Variants in AK5 observed in about 807,000 individuals in gnomAD.
AK5 encodes adenylate kinase 5, also known as adenylate kinase isoenzyme 5.
Under a neutral mutation model 69.5 loss-of-function variants are expected in AK5, and 27 were observed. That is an observed-to-expected ratio of 0.39 (90% CI 0.29 to 0.54). AK5 has a LOEUF of 0.54. Ranked by LOEUF, AK5 falls within the 20% of genes least tolerant of loss-of-function variation. The pLI is 0.71. For synonymous variants in AK5, 260 were observed against 244.4 expected, an observed-to-expected ratio of 1.06 and a Z score of -0.60; for missense variants, 531 against 700.4, an observed-to-expected ratio of 0.76 and a Z score of 2.73.
chr1:77,526,537 G>A (rs988511416), intron 12 of AK5, among the ~76,000 whole-genome samples: 1 of 139,782 alleles, frequency 7.2e-6, no homozygotes, highest in South Asian at 2.2e-4. Flanking sequence ...GTGCCGTGGT[G>A]CGATCTTGGC....
intron 8 of AK5, among the ~76,000 whole-genome samples, chr1:77,473,136 C>T (rs1402600214): frequency 6.6e-6 from 1 of 151,640 alleles, no homozygotes; most frequent in East Asian, 1.9e-4. Context: ...TACCACAGAA[C>T]TCAGTAAATA....
At chr1:77,550,623 G>A (rs186580099) in intron 13 of AK5, among the ~76,000 whole-genome samples, 5 of 152,178 alleles carry the variant, frequency 3.3e-5, no homozygotes, top group Admixed American at 6.5e-5. Context: ...CTCTAAGCAC[G>A]AAGAAAAGTT....
chr1:77,313,984 G>A (rs768361497), intron 5 of AK5: 5 of 453,114 alleles, frequency 1.1e-5, no homozygotes, highest in African/African-American at 4.1e-5. Context: ...CTATTTGCTT[G>A]ATGGACAAAG....
At chr1:77,519,640 T>C (rs1234723503) in intron 11 of AK5, among the ~76,000 whole-genome samples, 2 of 152,242 alleles carry the variant, frequency 1.3e-5, no homozygotes, top group African/African-American at 4.8e-5. Flanking sequence ...CCATTTTATG[T>C]GTTATTTCTT....
chr1:77,538,070 G>T (rs1659065727), intron 13 of AK5, among the ~76,000 whole-genome samples: 1 of 152,122 alleles, frequency 6.6e-6, no homozygotes, highest in African/African-American at 2.4e-5. Flanking sequence ...AAGTGCAATG[G>T]CTCACACCCG....
intron 8 of AK5, among the ~76,000 whole-genome samples, chr1:77,443,085 C>G (rs554699518): frequency 6.6e-6 from 1 of 152,148 alleles, no homozygotes; most frequent in Admixed American, 6.5e-5. Flanking sequence ...CATCTTCTGA[C>G]TTGAGATCTT....
At chr1:77,462,530 T>C (rs1653904467) in intron 8 of AK5, among the ~76,000 whole-genome samples, 1 of 152,154 alleles carries the variant, frequency 6.6e-6, no homozygotes, top group South Asian at 2.1e-4. Flanking sequence ...CTTTTTATTA[T>C]AAATTCTTGT....
Position 77,473,265 on chromosome 1 carries a change from T to C in AK5, c.1060-10052T>C, listed in dbSNP as rs531971227. On this transcript the variant is annotated intron_variant, in intron 8 of 13. Transcript: ENST00000354567. Reference sequence around the variant, plus strand: ...GAGACAGGGTCTCTGTTGCCCAGGCTGGAGTGCAGTGGTACGATCACAACT... The same window carrying C: ...GAGACAGGGTCTCTGTTGCCCAGGCCGGAGTGCAGTGGTACGATCACAACT... 3.3e-5 allele frequency among the ~76,000 whole-genome samples: 5 copies of C among 152,008 alleles called. No individual in the cohort carries two copies. In the South Asian group the frequency reaches 1.0e-3, roughly 32 times the overall value.
At chr1:77,378,240 A>C (rs1647370762) in intron 6 of AK5, among the ~76,000 whole-genome samples, 1 of 152,144 alleles carries the variant, frequency 6.6e-6, no homozygotes, top group South Asian at 2.1e-4. Flanking sequence ...AATTTTTTTC[A>C]TTCTTCTTAT....
At chr1:77,525,315 A>G (rs777076012) in intron 12 of AK5, among the ~76,000 whole-genome samples, 3 of 152,226 alleles carry the variant, frequency 2.0e-5, no homozygotes, top group Non-Finnish European at 2.9e-5. Context: ...CTCCTACAGA[A>G]TGATCTTGAC....
chr1:77,284,945 G>A (rs1462512955), intron 1 of AK5, among the ~76,000 whole-genome samples: 1 of 147,598 alleles, frequency 6.8e-6, no homozygotes, highest in Non-Finnish European at 1.5e-5. Flanking sequence ...TCAGGCAATA[G>A]TAGGGATAAA....
chr1:77,301,539 G>A (rs1233000072), intron 5 of AK5, among the ~76,000 whole-genome samples: 1 of 152,196 alleles, frequency 6.6e-6, no homozygotes, highest in Non-Finnish European at 1.5e-5. Context: ...GCAAATGCTC[G>A]CCTGCTCCCT....
At chr1:77,328,567 AC>A (rs78199595) in intron 5 of AK5, among the ~76,000 whole-genome samples, 7,548 of 152,136 alleles carry the variant, frequency 0.05, 232 homozygotes, top group South Asian at 0.093. Flanking sequence ...AGCCTAATGT[AC>A]CCCAATCACT....
rs1051695106 is a variant in AK5 at position 77,391,190 on chromosome 1, G to A, written c.892-19791G>A. On this transcript the variant is annotated intron_variant, in intron 6 of 13. Coordinates refer to ENST00000354567, the MANE Select transcript of AK5 (RefSeq NM_174858.3). ...CAGCCTCAGCCTGGTTGCATGGGCAGGTAGGATGATTATGGAAACAGCCCC... is the reference window on the plus strand; with the variant it reads ...CAGCCTCAGCCTGGTTGCATGGGCAAGTAGGATGATTATGGAAACAGCCCC... 2.6e-5 allele frequency among the ~76,000 whole-genome samples: 4 copies of A among 151,984 alleles called. No individual in the cohort carries two copies. In the East Asian group the frequency reaches 7.8e-4, roughly 29 times the overall value.
chr1:77,292,514 C>G (rs553267104), intron 2 of AK5, among the ~76,000 whole-genome samples: 1 of 152,272 alleles, frequency 6.6e-6, no homozygotes, highest in Non-Finnish European at 1.5e-5. Context: ...GGGCAGGTGG[C>G]CTCCTGTTTG....
At chr1:77,450,477 CAG>C (rs1653075836) in intron 8 of AK5, among the ~76,000 whole-genome samples, 1 of 152,150 alleles carries the variant, frequency 6.6e-6, no homozygotes, top group African/African-American at 2.4e-5. Context: ...TAAGAAATAT[CAG>C]AGTCAACAGT....
At chr1:77,535,138 AGTG>A (rs1658886724) in intron 12 of AK5, among the ~76,000 whole-genome samples, 1 of 152,218 alleles carries the variant, frequency 6.6e-6, no homozygotes, top group Non-Finnish European at 1.5e-5. Flanking sequence ...CACTGCAGCA[AGTG>A]TTCCACAAAA....
At chr1:77,410,072 A>G (rs1355713230) in intron 6 of AK5, among the ~76,000 whole-genome samples, 2 of 152,182 alleles carry the variant, frequency 1.3e-5, no homozygotes, top group African/African-American at 4.8e-5. Context: ...TGTGTTAACA[A>G]ACCACTGAAA....
intron 8 of AK5, among the ~76,000 whole-genome samples, chr1:77,425,764 A>G (rs1024840437): frequency 6.6e-6 from 1 of 152,196 alleles, no homozygotes; most frequent in African/African-American, 2.4e-5. Flanking sequence ...AATTATATAT[A>G]CTTATGATTC....
Sources: gnomAD v4.1 joint callset for allele counts (sites outside exome capture counted in the v4.1 genomes callset) on GRCh38, gnomAD v4.1.1 for gene constraint, MANE v1.5 for transcripts, NCBI Gene and HGNC (gene_info 2026-07-23, HGNC 2026-07-21) for gene names.